LIMD1: variants seen among roughly 807,000 people sequenced by gnomAD.
LIMD1 encodes LIM domain-containing protein 1.
In LIMD1, 23 loss-of-function variants were observed where a neutral mutation model predicts 58.4. The ratio of observed to expected loss-of-function variants is 0.39; its 90% CI spans 0.28 to 0.56. The LOEUF is 0.56. LIMD1 is among the 20% of genes least tolerant of loss of function. The pLI is 0.57. For missense variants in LIMD1, 838 were observed against 855.5 expected, an observed-to-expected ratio of 0.98 and a Z score of 0.25; for synonymous variants, 334 against 345.5, an observed-to-expected ratio of 0.97 and a Z score of 0.37.
chr3:45,649,347 T>C (rs762860723), intron 2 of LIMD1, among the ~76,000 whole-genome samples: 1 of 152,118 alleles, frequency 6.6e-6, no homozygotes, highest in Non-Finnish European at 1.5e-5. Context: ...TTTAAACTTT[T>C]GTATTCTGAA....
In LIMD1 at chr3:45,666,517, C is replaced by T. The variant is rs117602564; in HGVS notation, c.1578+800C>T. Reference sequence around the variant, plus strand: ...CTGCCCACACCTATGCAACCTCATGCCTTCGTGCCTTTGCTTGGGCCATTT... The same window carrying T: ...CTGCCCACACCTATGCAACCTCATGTCTTCGTGCCTTTGCTTGGGCCATTT... On this transcript the variant is annotated intron_variant, in intron 3 of 7. Transcript: ENST00000273317. Among the ~76,000 whole-genome samples, 417 of 152,218 alleles carry T rather than the reference C, an allele frequency of 2.7e-3. 11 individuals carry two copies. In the East Asian group the frequency reaches 0.051, roughly 19 times the overall value.
intron 1 of LIMD1, among the ~76,000 whole-genome samples, chr3:45,598,991 A>G (rs1019103357): frequency 1.3e-5 from 2 of 152,136 alleles, no homozygotes; most frequent in Non-Finnish European, 2.9e-5. Context: ...GGGAGATTAA[A>G]TTACTTACTG....
In LIMD1 at chr3:45,683,947, A is replaced by C. The variant is rs1348664155; in HGVS notation, c.*6888A>C. ...ACGTTTTTTGAGAGGAAATGAAAGA[A>C]TATTCCTAAGTTATTGGGTGCCTTT... On this transcript the variant is annotated 3_prime_UTR_variant, in exon 8 of 8. Transcript: ENST00000273317. 6.6e-6 allele frequency: 1 copy of C among 152,194 alleles called. No homozygotes were observed. The highest frequency in any genetic ancestry group is 1.5e-5 in the Non-Finnish European group (1 of 68,036). 9.4% of individuals were successfully genotyped at this position (152,194 alleles called of 1,614,324 possible).
intron 1 of LIMD1, among the ~76,000 whole-genome samples, chr3:45,629,697 C>G (rs934129402): frequency 6.6e-6 from 1 of 152,154 alleles, no homozygotes; most frequent in Non-Finnish European, 1.5e-5. Context: ...GAAGAAGATA[C>G]AAGCAGCTGG....
chr3:45,672,187 G>C (rs914282215), intron 4 of LIMD1, among the ~76,000 whole-genome samples: 4 of 152,222 alleles, frequency 2.6e-5, no homozygotes, highest in Non-Finnish European at 5.9e-5. Context: ...GCATCCAAGA[G>C]GCAGAAGTGA....
At position 45,680,675 on chromosome 3, in the gene LIMD1, A is replaced by T. The variant is rs1041903808; in HGVS notation, c.*3616A>T. 2.0e-5 allele frequency: 3 copies of T among 152,116 alleles called. No individual in the cohort carries two copies. The highest frequency in any genetic ancestry group is 4.4e-5 in the Non-Finnish European group (3 of 68,026). 9.4% of individuals were successfully genotyped at this position (152,116 alleles called of 1,614,324 possible). A position where few individuals can be genotyped will look rare whatever the true frequency, so the allele number is the denominator to read the frequency against. On this transcript the variant is annotated 3_prime_UTR_variant, in exon 8 of 8. Coordinates refer to ENST00000273317, the MANE Select transcript of LIMD1 (RefSeq NM_014240.3). The stretch of plus-strand genomic sequence containing the variant: ...TCAGTCCTAATTTCTTTACTATGTG[A>T]AGTAACTTTTAAAGGTAATAGAAAA...
chr3:45,665,858 G>A (rs1697510759), intron 3 of LIMD1, 141 bp downstream of exon 3: 7 of 732,406 alleles, frequency 9.6e-6, no homozygotes, highest in South Asian at 5.1e-5. Flanking sequence ...GATACTTGGG[G>A]GTGGCCATGT....
chr3:45,627,915 G>A (rs537742463), intron 1 of LIMD1, among the ~76,000 whole-genome samples: 3 of 151,246 alleles, frequency 2.0e-5, no homozygotes, highest in African/African-American at 7.3e-5. Flanking sequence ...GGCTGAGGCA[G>A]GAGAATCGCT....
At chr3:45,669,596 A>G (rs1375809392) in intron 4 of LIMD1, among the ~76,000 whole-genome samples, 2 of 152,152 alleles carry the variant, frequency 1.3e-5, no homozygotes, top group East Asian at 3.9e-4. Context: ...CCCCACTCCC[A>G]CAAAGGCAAC....
chr3:45,642,199 TG>T (rs1216151032), intron 2 of LIMD1, among the ~76,000 whole-genome samples: 4 of 151,600 alleles, frequency 2.6e-5, no homozygotes, highest in Non-Finnish European at 2.9e-5. Context: ...TTTTTGAGAC[TG>T]GGTCTTGCTC....
rs1048590360 is a variant in LIMD1, at chr3:45,595,868, A to G, written c.989A>G (p.Asn330Ser). ...GTTTCAGGTGTGATGTCCAAACCCA[A>G]TGTGGACCCCCAACCCTGGTTCCAG... is the stretch of plus-strand genomic sequence containing the variant. ...GEVSGVMSKPNVDPQPWFQDG... is the reference protein window; with the variant it reads ...GEVSGVMSKPSVDPQPWFQDG... The change falls in exon 1 of 8, where the codon AAT (asparagine) becomes AGT (serine). Residue 330 changes from asparagine to serine, a missense_variant. Physicochemically the swap from Asn to Ser is conservative, Grantham distance 46. This residue lies in a region of LIMD1 where 659 missense variants were observed against 639.8 expected (regional missense o/e 1.03). Transcript: ENST00000273317. 17 of 1,614,020 alleles carry G rather than the reference A, an allele frequency of 1.1e-5. No homozygotes were observed. The highest frequency in any genetic ancestry group is 2.2e-5 in the South Asian group (2 of 91,084).
At chr3:45,615,809 C>G (rs1701570306) in intron 1 of LIMD1, among the ~76,000 whole-genome samples, 1 of 144,322 alleles carries the variant, frequency 6.9e-6, no homozygotes, top group Admixed American at 6.8e-5. Context: ...TCTTCCCCTT[C>G]CCTTCTAAGC....
intron 2 of LIMD1, among the ~76,000 whole-genome samples, chr3:45,646,827 T>A (rs13094441): frequency 0.19 from 28,643 of 151,844 alleles, 3,094 homozygotes; most frequent in Non-Finnish European, 0.25. Flanking sequence ...CCCTGGCTAA[T>A]TTTTTTGAAA....
At chr3:45,624,718 G>A (rs1198814141) in intron 1 of LIMD1, among the ~76,000 whole-genome samples, 2 of 151,812 alleles carry the variant, frequency 1.3e-5, no homozygotes, top group Non-Finnish European at 2.9e-5. Flanking sequence ...GCGAGACTCC[G>A]CCTCAAAAAC....
chr3:45,673,605 G>A, intron 6 of LIMD1, 100 bp downstream of exon 6: 1 of 1,040,844 alleles, frequency 9.6e-7, no homozygotes, highest in Non-Finnish European at 1.5e-6. Context: ...CAGCTTTTAA[G>A]GTATCCTTTT....
chr3:45,626,374 A>T (rs1201328172), intron 1 of LIMD1, among the ~76,000 whole-genome samples: 1 of 152,218 alleles, frequency 6.6e-6, no homozygotes, highest in Non-Finnish European at 1.5e-5. Flanking sequence ...ATGGTTGTAT[A>T]TCCAGACAAT....
intron 2 of LIMD1, among the ~76,000 whole-genome samples, chr3:45,637,839 G>C (rs115611590): frequency 0.03 from 4,605 of 152,296 alleles, 76 homozygotes; most frequent in Non-Finnish European, 0.041. Flanking sequence ...ACTGCAATTT[G>C]CCTTAGAACA....
At chr3:45,630,539 G>A (rs928803624) in intron 1 of LIMD1, among the ~76,000 whole-genome samples, 2 of 152,196 alleles carry the variant, frequency 1.3e-5, no homozygotes, top group Non-Finnish European at 2.9e-5. Flanking sequence ...CCCCCAGGGA[G>A]AGGCCTTGTG....
At chr3:45,609,981 C>T (rs1701507896) in intron 1 of LIMD1, among the ~76,000 whole-genome samples, 1 of 152,202 alleles carries the variant, frequency 6.6e-6, no homozygotes, top group African/African-American at 2.4e-5. Flanking sequence ...ATCACAAGGT[C>T]AGGAGATCGA....
Sources: allele counts gnomAD v4.1 joint callset (sites outside exome capture counted in the v4.1 genomes callset), GRCh38; gene constraint gnomAD v4.1.1; regional missense constraint gnomAD v4.1.1; transcripts MANE v1.5; gene names NCBI Gene and HGNC (gene_info 2026-07-23, HGNC 2026-07-21).